Variants in DNAH9 observed in about 807,000 individuals in gnomAD.
The protein encoded by DNAH9 is DNAH9 variant protein.
DNAH9 carries 345 observed loss-of-function variants against 471.6 expected under a neutral mutation model. The observed-to-expected ratio is 0.73, with a 90% CI of 0.67 to 0.80. The LOEUF (loss-of-function observed/expected upper bound fraction) is 0.80. Among genes scored for constraint, DNAH9 ranks in the 30% least tolerant of loss-of-function variants. The pLI is 0.00. For synonymous variants in DNAH9, 2,093 were observed against 2,123.6 expected (o/e 0.99, Z 0.40); for missense variants, 5,407 against 5,609.2 (o/e 0.96, Z 1.15).
In DNAH9 at chr17:11,654,299, T is replaced by G. The variant is rs552859862; in HGVS notation, c.2595+1297T>G. Among the ~76,000 whole-genome samples the G allele has an allele frequency of 9.6e-4, 48 of 49,922 alleles. 1 individual carries two copies. Among genetic ancestry groups the G allele is most frequent in the Middle Eastern group, 0.038 (2 of 52 alleles). The allele number at this position is 49,922 out of a possible 152,430, so 32.8% of individuals were successfully genotyped here. On this transcript the variant is annotated intron_variant, in intron 14 of 68. Transcript: ENST00000262442. ...TGAACCCGGGAGGCGGAGCTTGCAGTGAGCCGAGATTGCGCCACTGCACTC... is the reference window on the plus strand; with the variant it reads ...TGAACCCGGGAGGCGGAGCTTGCAGGGAGCCGAGATTGCGCCACTGCACTC...
chr17:11,843,937 T>C (rs1310025496), intron 49 of DNAH9, among the ~76,000 whole-genome samples: 1 of 140,550 alleles, frequency 7.1e-6, no homozygotes, highest in Non-Finnish European at 1.5e-5. Context: ...AAAAGAAAGC[T>C]ACTGAATGAA....
At chr17:11,703,156 A>T (rs1236770982) in intron 24 of DNAH9, among the ~76,000 whole-genome samples, 1 of 152,030 alleles carries the variant, frequency 6.6e-6, no homozygotes, top group Non-Finnish European at 1.5e-5. Context: ...AGCAGGGAGA[A>T]ACTTGGCTAC....
At chr17:11,856,966 G>A (rs1487912557) in intron 50 of DNAH9, among the ~76,000 whole-genome samples, 2 of 151,942 alleles carry the variant, frequency 1.3e-5, no homozygotes, top group Non-Finnish European at 2.9e-5. Flanking sequence ...GTTTTGCTTT[G>A]GCCTCCCAAA....
chr17:11,832,783 T>A (rs1358745725), intron 48 of DNAH9, among the ~76,000 whole-genome samples: 2 of 152,244 alleles, frequency 1.3e-5, no homozygotes, highest in Non-Finnish European at 2.9e-5. Flanking sequence ...AACCTTTGGT[T>A]GTTGCGTGAA....
intron 49 of DNAH9, among the ~76,000 whole-genome samples, chr17:11,837,304 A>G (rs947133109): frequency 8.5e-5 from 13 of 152,300 alleles, no homozygotes; most frequent in African/African-American, 2.6e-4. Context: ...AGTACCTACT[A>G]TGTGCCAGGT....
At chr17:11,684,103 T>A (rs1459096123) in intron 19 of DNAH9, among the ~76,000 whole-genome samples, 1 of 152,228 alleles carries the variant, frequency 6.6e-6, no homozygotes, top group Non-Finnish European at 1.5e-5. Context: ...AGTTTGAGTT[T>A]AATTCTGGTT....
intron 7 of DNAH9, among the ~76,000 whole-genome samples, chr17:11,631,039 A>G (rs967244958): frequency 6.6e-6 from 1 of 152,180 alleles, no homozygotes; most frequent in African/African-American, 2.4e-5. Flanking sequence ...GGGAGGTATA[A>G]GTGAAGCCAC....
chr17:11,804,533 C>T (rs1393524933), intron 43 of DNAH9, among the ~76,000 whole-genome samples: 3 of 152,128 alleles, frequency 2.0e-5, no homozygotes, highest in African/African-American at 7.2e-5. Flanking sequence ...ATGTTCAATT[C>T]CCTAGAAACC....
intron 8 of DNAH9, 26 bp from the exon 9 acceptor site, chr17:11,636,605 TTCC>T (rs1332829563): frequency 6.2e-7 from 1 of 1,601,948 alleles, no homozygotes. Flanking sequence ...TGTGATTTTT[TTCC>T]TCTTTTTCCT....
intron 43 of DNAH9, among the ~76,000 whole-genome samples, chr17:11,806,862 T>C (rs1337239446): frequency 6.6e-6 from 1 of 152,026 alleles, no homozygotes; most frequent in Non-Finnish European, 1.5e-5. Flanking sequence ...TTATAAAGGG[T>C]GTAGCACCTT....
At chr17:11,653,690 C>T (rs184346272) in intron 14 of DNAH9, among the ~76,000 whole-genome samples, 189 of 152,230 alleles carry the variant, frequency 1.2e-3, no homozygotes, top group African/African-American at 4.3e-3. Flanking sequence ...TGGTTTGAAG[C>T]ACAATAAAAA....
At position 11,969,545 on chromosome 17, in the gene DNAH9, G is replaced by A. The variant is rs376286792; in HGVS notation, c.*18G>A. ...AGATTTAGCATCCTGCAGAGCCACC[G>A]AGAAAATAAAAAAGCTGGGCTTGGA... On this transcript the variant is annotated 3_prime_UTR_variant, in exon 69 of 69. Coordinates refer to ENST00000262442, the MANE Select transcript of DNAH9 (RefSeq NM_001372.4). 90 of 1,583,620 alleles carry A rather than the reference G, an allele frequency of 5.7e-5. No homozygotes were observed. Among genetic ancestry groups the A allele is most frequent in the South Asian group, 5.4e-4 (47 of 87,608 alleles).
chr17:11,943,503 C>G (rs1342042795), intron 67 of DNAH9, among the ~76,000 whole-genome samples: 1 of 151,902 alleles, frequency 6.6e-6, no homozygotes, highest in East Asian at 2.0e-4. Context: ...ACGGTGAAAC[C>G]CCGTCTCTAC....
At position 11,937,433 on chromosome 17, in the gene DNAH9, A is replaced by C; in HGVS notation, c.12571A>C (p.Thr4191Pro). The change falls in exon 66 of 69, where the codon ACC becomes CCC. Residue 4191 changes from threonine (T) to proline (P), a missense_variant. By Grantham distance (38) the Thr-to-Pro change is conservative. Transcript: ENST00000262442. The surrounding 1 kb of genome is among the most constrained non-coding windows in gnomAD (Gnocchi z 4.1). ...PNAEIGFLTQ[T>P]SEKLFRTVLE... ...CGCAGAGATTGGCTTCCTGACCCAA[A>C]CCTCAGAAAAGCTCTTCCGCACTGT... 8 of 1,613,976 alleles carry C rather than the reference A, an allele frequency of 5.0e-6. No individual in the cohort carries two copies. Among genetic ancestry groups the C allele is most frequent in the Non-Finnish European group, 6.8e-6 (8 of 1,179,938 alleles).
At chr17:11,620,511 C>CA (rs11440277) in intron 6 of DNAH9, among the ~76,000 whole-genome samples, 103,545 of 119,082 alleles carry the variant, frequency 0.87, 44,938 homozygotes, top group East Asian at 0.95. Context: ...GACTCTGTCT[C>CA]AAAAAAAAAA....
chr17:11,856,941 T>G (rs1180837738), intron 50 of DNAH9, among the ~76,000 whole-genome samples: 1 of 152,098 alleles, frequency 6.6e-6, no homozygotes, highest in East Asian at 1.9e-4. Flanking sequence ...CTTGAACTCT[T>G]GGCCTCAAGT....
chr17:11,833,744 A>G (rs9900037), intron 48 of DNAH9, among the ~76,000 whole-genome samples: 48,276 of 151,954 alleles, frequency 0.32, 7,935 homozygotes, highest in East Asian at 0.44. Context: ...TTGTAGAAAA[A>G]GGGTTGGTTC....
At chr17:11,707,785 T>A (rs1220305771) in intron 26 of DNAH9, among the ~76,000 whole-genome samples, 1 of 152,038 alleles carries the variant, frequency 6.6e-6, no homozygotes, top group Admixed American at 6.6e-5. Context: ...TCCTTTCTGT[T>A]CCTTGATCAC....
chr17:11,607,655 C>T lies in DNAH9; in HGVS notation c.418-474C>T, dbSNP rs561136575. Among the ~76,000 whole-genome samples the T allele has an allele frequency of 5.3e-4, 81 of 152,144 alleles. 1 individual carries two copies. The Middle Eastern group carries it at 0.024, about 45-fold the overall frequency. ...TGTGATCTCGACTCACTGCAACCTC[C>T]GCCTCCTGGGTTGAAGCGATTCTCC... On this transcript the variant is annotated intron_variant, in intron 1 of 68. Transcript: ENST00000262442.
Sources: gnomAD v4.1 joint callset for allele counts (sites outside exome capture counted in the v4.1 genomes callset) on GRCh38, gnomAD v4.1.1 for gene constraint, Gnocchi (gnomAD v3.1) non-coding constraint, MANE v1.5 for transcripts, NCBI Gene and HGNC (gene_info 2026-07-23, HGNC 2026-07-21) for gene names.